CNTNAP3B: variants seen among roughly 807,000 people sequenced by gnomAD.
CNTNAP3B encodes contactin-associated protein-like 3B.
A neutral mutation model predicts 108.9 loss-of-function variants in CNTNAP3B; 25 were observed. The observed-to-expected ratio is 0.23, with a 90% CI of 0.17 to 0.32. The LOEUF is 0.32. Among genes scored for constraint, CNTNAP3B ranks in the 10% least tolerant of loss-of-function variants. CNTNAP3B has a pLI of 1.00. For missense variants in CNTNAP3B, 252 were observed against 1,210.4 expected, an observed-to-expected ratio of 0.21 and a Z score of 11.75; for synonymous variants, 103 against 473.4, an observed-to-expected ratio of 0.22 and a Z score of 10.16.
At chr9:41,950,044 C>T (rs866378234) in intron 13 of CNTNAP3B, among the ~76,000 whole-genome samples, 25 of 126,402 alleles carry the variant, frequency 2.0e-4, no homozygotes, top group Admixed American at 3.4e-4. Flanking sequence ...AAAACAAATC[C>T]AAACAATCCA....
At chr9:42,013,220 TAG>T (rs1160059858) in intron 4 of CNTNAP3B, among the ~76,000 whole-genome samples, 156 bp downstream of exon 4, 4 of 127,654 alleles carry the variant, frequency 3.1e-5, no homozygotes, top group African/African-American at 1.3e-4. Context: ...GGGGAGACAC[TAG>T]AGTGTTTCAA....
At chr9:41,942,540 GAC>G in intron 13 of CNTNAP3B, among the ~76,000 whole-genome samples, 1 of 151,042 alleles carries the variant, frequency 6.6e-6, no homozygotes, top group African/African-American at 2.4e-5. Flanking sequence ...GAACCCGGGA[GAC>G]GGAGCTTGCA....
At chr9:42,070,181 A>G (rs1827341753) in intron 3 of CNTNAP3B, among the ~76,000 whole-genome samples, 1 of 150,342 alleles carries the variant, frequency 6.7e-6, no homozygotes, top group Admixed American at 6.6e-5. Context: ...GCTTCAAGCG[A>G]CTAAAGAATG....
At chr9:41,922,131 C>G in intron 17 of CNTNAP3B, among the ~76,000 whole-genome samples, 1 of 138,638 alleles carries the variant, frequency 7.2e-6, no homozygotes, top group African/African-American at 2.9e-5. Flanking sequence ...TTGGCTATCT[C>G]ATCTGTAAAC....
rs1269733574 is a variant in CNTNAP3B, at chr9:42,066,496, G to A, written c.390+10373C>T. 6.5e-3 allele frequency among the ~76,000 whole-genome samples: 705 copies of A among 108,228 alleles called. 6 individuals carry two copies. Among genetic ancestry groups the A allele is most frequent in the Middle Eastern group, 0.019 (4 of 214 alleles). The allele number at this position is 108,228 out of a possible 152,430, so 71.0% of individuals were successfully genotyped here. A position where few individuals can be genotyped will look rare whatever the true frequency, so the allele number is the denominator to read the frequency against. Reference sequence around the variant, plus strand: ...GGTTAGAGAGCAGTGGCATGATCTCGGCTCACCACAACCTCTGCCTCCCGG... The same window carrying A: ...GGTTAGAGAGCAGTGGCATGATCTCAGCTCACCACAACCTCTGCCTCCCGG... On this transcript the variant is annotated intron_variant, in intron 3 of 23. Coordinates refer to ENST00000377561, the MANE Select transcript of CNTNAP3B (RefSeq NM_001201380.3).
chr9:41,931,364 A>G (rs1298235223), intron 14 of CNTNAP3B, among the ~76,000 whole-genome samples: 1 of 152,206 alleles, frequency 6.6e-6, no homozygotes, highest in Non-Finnish European at 1.5e-5. Context: ...AATATCCAAT[A>G]AATTACTGTT....
intron 9 of CNTNAP3B, chr9:41,983,397 A>T (rs1825669614): frequency 2.4e-5 from 2 of 82,882 alleles, no homozygotes; most frequent in African/African-American, 9.0e-5. Context: ...TCTGTCACAC[A>T]GATTACAGCC....
In CNTNAP3B at chr9:42,110,447, A is replaced by C. The variant is rs558897526; in HGVS notation, c.86-5708T>G. Among the ~76,000 whole-genome samples the C allele has an allele frequency of 9.5e-5, 13 of 136,840 alleles. 2 individuals carry two copies. The East Asian group carries it at 2.7e-3, about 28-fold the overall frequency. The allele number at this position is 136,840 out of a possible 152,430, so 89.8% of individuals were successfully genotyped here. On this transcript the variant is annotated intron_variant, in intron 1 of 23. Transcript: ENST00000377561. ...ACGGCACCTTAACCAGCTTCGAATT[A>C]TCAGAAAAACACAAAGCCTATTATT...
intron 10 of CNTNAP3B, among the ~76,000 whole-genome samples, chr9:41,966,637 A>T (rs1277704923): frequency 6.6e-6 from 1 of 152,288 alleles, no homozygotes; most frequent in South Asian, 2.1e-4. Flanking sequence ...ACCTTAAAAC[A>T]GTATAGGAGT....
chr9:41,994,257 T>A (rs1032033325), intron 7 of CNTNAP3B: 1 of 85,340 alleles, frequency 1.2e-5, no homozygotes, highest in East Asian at 3.8e-4. Flanking sequence ...ATTCAGAACG[T>A]GTTAGGTCAG....
intron 3 of CNTNAP3B, among the ~76,000 whole-genome samples, chr9:42,076,301 C>T (rs1423976158): frequency 1.6e-5 from 2 of 126,752 alleles, no homozygotes; most frequent in African/African-American, 6.5e-5. Context: ...TGGCACATGC[C>T]TGTAGTCCCA....
rs567583491 is a variant in CNTNAP3B, at chr9:42,084,348, G to A, written c.197-7286C>T. ...TGTGCAAATGGGGCATATGCGGAGA[G>A]GGCTGGAATGGAGTCAGGGCACCCT... On this transcript the variant is annotated intron_variant, in intron 2 of 23. Transcript: ENST00000377561. Among the ~76,000 whole-genome samples the A allele has an allele frequency of 5.2e-4, 61 of 116,722 alleles. 12 individuals are homozygous for A. Among genetic ancestry groups the A allele is most frequent in the Middle Eastern group, 4.1e-3 (1 of 244 alleles). The allele number at this position is 116,722 out of a possible 152,430, so 76.6% of individuals were successfully genotyped here. A position where few individuals can be genotyped will look rare whatever the true frequency, so the allele number is the denominator to read the frequency against.
At chr9:42,056,326 T>TTTATTATTA (rs199830117) in intron 3 of CNTNAP3B, among the ~76,000 whole-genome samples, 1,885 of 128,956 alleles carry the variant, frequency 0.015, 60 homozygotes, top group African/African-American at 0.045. Flanking sequence ...TCTCATGAAT[T>TTTATTATTA]TTATTATTAT....
intron 15 of CNTNAP3B, among the ~76,000 whole-genome samples, chr9:41,925,510 G>T (rs1158097752): frequency 6.6e-6 from 1 of 152,254 alleles, no homozygotes; most frequent in African/African-American, 2.4e-5. Flanking sequence ...GGAGAATGAC[G>T]TGAACCCGGG....
chr9:41,962,927 C>A (rs1215861208), intron 11 of CNTNAP3B, among the ~76,000 whole-genome samples: 2 of 151,512 alleles, frequency 1.3e-5, no homozygotes, highest in African/African-American at 4.9e-5. Flanking sequence ...TGGGCTCCAG[C>A]CTGGGCGACA....
At chr9:42,019,792 TAA>T (rs1214517315) in intron 3 of CNTNAP3B, among the ~76,000 whole-genome samples, 2 of 120,066 alleles carry the variant, frequency 1.7e-5, no homozygotes, top group Non-Finnish European at 3.4e-5. Flanking sequence ...CTATGGAATC[TAA>T]AGTTTTCTCT....
chr9:42,110,942 T>C, intron 1 of CNTNAP3B, among the ~76,000 whole-genome samples: 1 of 140,210 alleles, frequency 7.1e-6, no homozygotes. Context: ...TAAGCAGTGA[T>C]GGTCAATGTA....
At chr9:41,931,566 C>T (rs1823978608) in intron 14 of CNTNAP3B, among the ~76,000 whole-genome samples, 1 of 151,720 alleles carries the variant, frequency 6.6e-6, no homozygotes, top group African/African-American at 2.4e-5. Flanking sequence ...GTAAAGAAAG[C>T]TTATTTCTAA....
At chr9:42,109,227 T>C (rs1265508662) in intron 1 of CNTNAP3B, among the ~76,000 whole-genome samples, 3 of 140,770 alleles carry the variant, frequency 2.1e-5, no homozygotes, top group African/African-American at 5.6e-5. Context: ...TGTAAATATC[T>C]GTTATAGGAA....
Sources: gnomAD v4.1 joint callset for allele counts (sites outside exome capture counted in the v4.1 genomes callset) on GRCh38, gnomAD v4.1.1 for gene constraint, MANE v1.5 for transcripts, NCBI Gene and HGNC (gene_info 2026-07-23, HGNC 2026-07-21) for gene names.